Variants in COPS9 observed in about 807,000 individuals in gnomAD.
COPS9 encodes the protein COP9 signalosome complex subunit 9.
In COPS9, 8 loss-of-function variants were observed where a neutral mutation model predicts 7.2. The observed-to-expected ratio is 1.11, with a 90% CI of 0.65 to 2.00. The LOEUF (loss-of-function observed/expected upper bound fraction) is 2.00, where lower values mean the gene tolerates loss of function less well. Among genes scored for constraint, COPS9 ranks in the 30% most tolerant of loss-of-function variants. The probability of loss-of-function intolerance (pLI) is 0.00; values close to 1 mark genes in which losing one functional copy is unlikely to be tolerated. For missense variants in COPS9, 74 were observed against 77.7 expected (o/e 0.95, Z 0.18); for synonymous variants, 39 against 28.7 (o/e 1.36, Z -1.14).
At chr2:240,126,681 C>T, downstream of COPS9, 1 of 1,614,208 alleles carries the variant, frequency 6.2e-7, no homozygotes, top group East Asian at 2.2e-5. Context: ...TGATATTGTG[C>T]TGTCTTCGCT....
chr2:240,133,858 C>G (rs867699455), intron 2 of COPS9, 75 bp downstream of exon 2: 1 of 1,436,102 alleles, frequency 7.0e-7, no homozygotes, highest in African/African-American at 1.4e-5. Flanking sequence ...TTCATGTCAC[C>G]AAGTTGCTTC....
chr2:240,133,812 G>A lies in COPS9; in HGVS notation c.136+121C>T, dbSNP rs1403953228. 5.4e-6 allele frequency: 5 copies of A among 930,672 alleles called. No homozygotes were observed. The Admixed American group carries it at 8.3e-5, about 15-fold the overall frequency. The allele number at this position is 930,672 out of a possible 1,614,324, so 57.7% of individuals were successfully genotyped here. ...CAGAGGCTGCACTGCATTCTGAGAG[G>A]AGCGCAGGGGCTCTACCACCTTATG... On this transcript the variant is annotated intron_variant, in intron 2 of 2. Coordinates refer to ENST00000607357, the MANE Select transcript of COPS9 (RefSeq NM_001163424.2).
chr2:240,126,911 T>C, downstream of COPS9: 1 of 1,613,930 alleles, frequency 6.2e-7, no homozygotes, highest in Non-Finnish European at 8.5e-7. Context: ...TGTCCAAAGC[T>C]GCCACTTCTC....
downstream of COPS9, chr2:240,129,917 C>T (rs551865042): frequency 9.3e-6 from 15 of 1,613,774 alleles, no homozygotes; most frequent in African/African-American, 2.7e-5. Context: ...TTACCTCTTC[C>T]GACACCACAG....
chr2:240,127,061 T>C (rs4605399), downstream of COPS9: 4 of 1,278,398 alleles, frequency 3.1e-6, no homozygotes, highest in Non-Finnish European at 3.2e-6. Flanking sequence ...TTCTACAAGG[T>C]ACAGGAACTT....
downstream of COPS9, among the ~76,000 whole-genome samples, chr2:240,127,658 G>C (rs1234425688): frequency 6.6e-6 from 1 of 152,140 alleles, no homozygotes; most frequent in Non-Finnish European, 1.5e-5. Flanking sequence ...ATCTGAGAGA[G>C]ACCCCATGCC....
At chr2:240,129,500 C>A (rs1231216479), downstream of COPS9, among the ~76,000 whole-genome samples, 1 of 152,156 alleles carries the variant, frequency 6.6e-6, no homozygotes, top group Non-Finnish European at 1.5e-5. Context: ...CAGGAGCCTG[C>A]AGCTCGCTGG....
At chr2:240,128,745 C>T (rs2071891565), downstream of COPS9, among the ~76,000 whole-genome samples, 1 of 152,188 alleles carries the variant, frequency 6.6e-6, no homozygotes, top group African/African-American at 2.4e-5. Flanking sequence ...AGTCCGATCA[C>T]CCAGGTCATC....
downstream of COPS9, chr2:240,126,573 T>C (rs1383233759): frequency 6.2e-7 from 1 of 1,612,652 alleles, no homozygotes; most frequent in East Asian, 2.2e-5. Flanking sequence ...CTACCTCACA[T>C]CTATGCATGG....
At chr2:240,131,137 T>C in intron 2 of COPS9, 49 bp from the exon 3 acceptor site, 1 of 1,584,846 alleles carries the variant, frequency 6.3e-7, no homozygotes, top group Non-Finnish European at 8.6e-7. Context: ...GGGTAAGGGC[T>C]GAAGAAATCA....
At chr2:240,129,911 C>G, downstream of COPS9, 1 of 1,613,616 alleles carries the variant, frequency 6.2e-7, no homozygotes, top group Non-Finnish European at 8.5e-7. Flanking sequence ...CACTTCTTAC[C>G]TCTTCCGACA....
downstream of COPS9, among the ~76,000 whole-genome samples, chr2:240,130,440 A>G (rs2071910715): frequency 6.6e-6 from 1 of 152,208 alleles, no homozygotes; most frequent in East Asian, 1.9e-4. Flanking sequence ...ACCAATGTGC[A>G]TTTCCACGTA....
Position 240,133,940 on chromosome 2 carries a change from A to G in COPS9, c.129T>C (p.Phe43=), listed in dbSNP as rs761094022. 6.2e-7 allele frequency: 1 copy of G among 1,614,154 alleles called. No homozygotes were observed. The highest frequency in any genetic ancestry group is 1.7e-5 in the Admixed American group (1 of 60,034). ...AANEKAVHAD[F]FNDFEDLFDD... is the part of the protein sequence containing the mutation. ...CATTCCAAGCATCCTTACCGTTAAA[A>G]AAGTCTGCATGAACGGCCTTTTCAT... Residue 43 remains phenylalanine, a synonymous_variant, in exon 2 of 3, where the codon TTT becomes TTC. Transcript: ENST00000607357.
chr2:240,133,809 G>T, intron 2 of COPS9, 124 bp downstream of exon 2: 1 of 906,902 alleles, frequency 1.1e-6, no homozygotes, highest in South Asian at 1.6e-5. Flanking sequence ...TGCATTCTGA[G>T]AGGAGCGCAG....
Position 240,130,948 on chromosome 2 carries a change from G to C in COPS9, c.*103C>G, listed in dbSNP as rs2071915641. 6.6e-7 allele frequency: 1 copy of C among 1,517,920 alleles called. No individual in the cohort carries two copies. Among genetic ancestry groups the C allele is most frequent in the Non-Finnish European group, 8.8e-7 (1 of 1,132,912 alleles). The allele number at this position is 1,517,920 out of a possible 1,614,324, so 94.0% of individuals were successfully genotyped here. Reference sequence around the variant, plus strand: ...CTGGTTAACCAGGTCCTAAATTCAAGGGATTTCCACGTGTTCTTTAAAACC... The same window carrying C: ...CTGGTTAACCAGGTCCTAAATTCAACGGATTTCCACGTGTTCTTTAAAACC... On this transcript the variant is annotated 3_prime_UTR_variant, in exon 3 of 3. Transcript: ENST00000607357.
Position 240,136,257 on chromosome 2 carries a change from G to T in COPS9, c.28C>A (p.Pro10Thr). MKPAVDEMF[P>T]EGAGPYVDLD... The stretch of plus-strand genomic sequence containing the variant: ...TCCACGTAGGGCCCGGCGCCCTCGG[G>T]GAACATCTCGTCCACCGCCGGCTTC... The change falls in exon 1 of 3, where the codon CCC (proline) becomes ACC (threonine). Residue 10 changes from proline to threonine, a missense_variant. Coordinates refer to ENST00000607357, the MANE Select transcript of COPS9 (RefSeq NM_001163424.2). 1 of 1,570,598 alleles carries T rather than the reference G, an allele frequency of 6.4e-7. No individual in the cohort carries two copies. The highest frequency in any genetic ancestry group is 2.6e-5 in the East Asian group (1 of 39,158).
chr2:240,134,265 G>T (rs893844045), intron 1 of COPS9: 30 of 462,076 alleles, frequency 6.5e-5, no homozygotes, highest in Admixed American at 6.4e-4. Flanking sequence ...ACCTACCACT[G>T]ACCTAAGCAC....
At chr2:240,126,729 A>T (rs768957552), downstream of COPS9, 1 of 1,614,180 alleles carries the variant, frequency 6.2e-7, no homozygotes, top group Non-Finnish European at 8.5e-7. Context: ...GAGCACCTCT[A>T]GATAACTTCC....
intron 1 of COPS9, 159 bp from the exon 2 acceptor site, chr2:240,134,164 A>G: frequency 1.6e-6 from 1 of 630,900 alleles, no homozygotes; most frequent in Non-Finnish European, 2.8e-6. Context: ...AGGAATGTGT[A>G]TTGGGGGGAG....
Sources: allele counts gnomAD v4.1 joint callset (sites outside exome capture counted in the v4.1 genomes callset), GRCh38; gene constraint gnomAD v4.1.1; transcripts MANE v1.5; gene names NCBI Gene and HGNC (gene_info 2026-07-23, HGNC 2026-07-21).